PGBD5: variants seen among roughly 807,000 people sequenced by gnomAD.
PGBD5 encodes the protein piggyBac transposable element-derived protein 5.
PGBD5 carries 14 observed loss-of-function variants against 47.9 expected under a neutral mutation model. That is an observed-to-expected ratio of 0.29 (90% CI 0.19 to 0.46). The LOEUF is 0.46. Ranked by LOEUF, PGBD5 falls within the 20% of genes least tolerant of loss-of-function variation. PGBD5 has a pLI of 1.00. For missense variants in PGBD5, 635 were observed against 716.0 expected (o/e 0.89, Z 1.29); for synonymous variants, 316 against 306.3 (o/e 1.03, Z -0.33).
At position 230,376,845 on chromosome 1, in the gene PGBD5, C is replaced by T. The variant is rs183046442; in HGVS notation, c.332-19524G>A. 3.9e-5 allele frequency among the ~76,000 whole-genome samples: 6 copies of T among 152,328 alleles called. No homozygotes were observed. In the East Asian group the frequency reaches 9.6e-4, roughly 24 times the overall value. On this transcript the variant is annotated intron_variant, in intron 1 of 6. Coordinates refer to ENST00000391860, the MANE Select transcript of PGBD5 (RefSeq NM_001258311.2). The stretch of plus-strand genomic sequence containing the variant: ...TCTCCAGGCAATAAGCAGGTCCTAA[C>T]TTCATTGCTACTATTCCTACTGTAA...
In PGBD5 at chr1:230,357,123, G is replaced by A. The variant is rs1471710949; in HGVS notation, c.530C>T (p.Thr177Ile). The A allele has an allele frequency of 6.2e-7, 1 of 1,614,186 alleles. No homozygotes were observed. Residue 177 changes from threonine to isoleucine, a missense_variant, in exon 2 of 7, where the codon ACC (threonine) becomes ATC (isoleucine). Thr to Ile is a moderately conservative substitution (Grantham distance 89). Transcript: ENST00000391860. This position sits in a 1 kb window ranked among gnomAD's most constrained non-coding sequence, Gnocchi z 5.7. The stretch of plus-strand genomic sequence containing the variant: ...GACGGACTCGCAGTGGGAGATGCTG[G>A]TGGAGATCATGTAGCCCAGGAACGC... ...MKAFLGYMISTSISHCESVLS... is the reference protein window; with the variant it reads ...MKAFLGYMISISISHCESVLS...
chr1:230,411,460 T>A (rs1047103432), intron 1 of PGBD5, among the ~76,000 whole-genome samples: 1 of 152,202 alleles, frequency 6.6e-6, no homozygotes, highest in Non-Finnish European at 1.5e-5. Context: ...AATGATTTCC[T>A]AAATATAAAT....
intron 1 of PGBD5, among the ~76,000 whole-genome samples, chr1:230,382,064 G>C (rs1464341359): frequency 6.8e-6 from 1 of 148,020 alleles, no homozygotes; most frequent in Non-Finnish European, 1.5e-5. Context: ...GACTACTGTT[G>C]GACGTTAGTA....
At chr1:230,382,892 G>C (rs902268234) in intron 1 of PGBD5, among the ~76,000 whole-genome samples, 4 of 151,758 alleles carry the variant, frequency 2.6e-5, no homozygotes, top group Non-Finnish European at 5.9e-5. Context: ...GTTCAAGGAG[G>C]GATCTTTAAA....
At chr1:230,407,283 C>T (rs774148414) in intron 1 of PGBD5, among the ~76,000 whole-genome samples, 9 of 152,096 alleles carry the variant, frequency 5.9e-5, no homozygotes, top group Admixed American at 2.0e-4. Flanking sequence ...AAGACTAAAG[C>T]GACACTCAAA....
At chr1:230,351,118 T>C in intron 2 of PGBD5, 26 bp from the exon 3 acceptor site, 1 of 1,603,116 alleles carries the variant, frequency 6.2e-7, no homozygotes, top group Non-Finnish European at 8.5e-7. Context: ...AAGCAGAGGC[T>C]CTCACGGAAG....
At position 230,323,599 on chromosome 1, in the gene PGBD5, T is replaced by C. The variant is rs1667071021; in HGVS notation, c.1401A>G (p.Pro467=). ...KYSKYFISHK[P]NKTWQQVFWF... Reference sequence around the variant, plus strand: ...AGAACACCTGCTGCCAGGTCTTGTTTGGTTTATGAGAAATGAAATACCTGA... The same window carrying C: ...AGAACACCTGCTGCCAGGTCTTGTTCGGTTTATGAGAAATGAAATACCTGA... The change falls in exon 7 of 7, where the codon CCA becomes CCG. Residue 467 remains proline (P), a synonymous_variant. Coordinates refer to ENST00000391860, the MANE Select transcript of PGBD5 (RefSeq NM_001258311.2). This position sits in a 1 kb window ranked among gnomAD's most constrained non-coding sequence, Gnocchi z 4.1. 3.7e-6 allele frequency: 6 copies of C among 1,614,006 alleles called. No homozygotes were observed. Among genetic ancestry groups the C allele is most frequent in the Non-Finnish European group, 5.1e-6 (6 of 1,179,936 alleles).
chr1:230,368,020 C>T (rs1344690996), intron 1 of PGBD5: 1 of 1,367,794 alleles, frequency 7.3e-7, no homozygotes. Flanking sequence ...CGCCACACCA[C>T]ACCCCACATA....
At chr1:230,375,864 T>G (rs926253822) in intron 1 of PGBD5, among the ~76,000 whole-genome samples, 4 of 151,704 alleles carry the variant, frequency 2.6e-5, no homozygotes, top group Non-Finnish European at 5.9e-5. Context: ...CCACACCAGC[T>G]AGAGCAGCTG....
intron 1 of PGBD5, among the ~76,000 whole-genome samples, chr1:230,379,354 C>G (rs1271901897): frequency 1.3e-5 from 2 of 152,234 alleles, no homozygotes; most frequent in Non-Finnish European, 2.9e-5. Flanking sequence ...CAAGTCCCAT[C>G]TGCCCATTCC....
intron 1 of PGBD5, among the ~76,000 whole-genome samples, chr1:230,398,756 T>G (rs1657062340): frequency 6.6e-6 from 1 of 152,144 alleles, no homozygotes; most frequent in South Asian, 2.1e-4. Flanking sequence ...AGAACTGGGT[T>G]TTTAGGGGGT....
At chr1:230,395,982 TTTC>T (rs1463589340) in intron 1 of PGBD5, among the ~76,000 whole-genome samples, 5 of 120,636 alleles carry the variant, frequency 4.1e-5, no homozygotes, top group Non-Finnish European at 6.7e-5. Flanking sequence ...CAAGCTCCTC[TTTC>T]TTTTGCTTCC....
chr1:230,376,892 C>T (rs16851635), intron 1 of PGBD5, among the ~76,000 whole-genome samples: 12,359 of 152,276 alleles, frequency 0.081, 721 homozygotes, highest in African/African-American at 0.17. Context: ...TCCTCCTTTG[C>T]TCACAAGACT....
intron 5 of PGBD5, among the ~76,000 whole-genome samples, chr1:230,330,270 C>T (rs899648569): frequency 4.6e-5 from 7 of 152,144 alleles, no homozygotes; most frequent in Admixed American, 1.3e-4. Flanking sequence ...CATCTGTGCC[C>T]GCTGCGATGG....
intron 1 of PGBD5, among the ~76,000 whole-genome samples, chr1:230,390,929 A>T (rs989449457): frequency 6.6e-6 from 1 of 152,060 alleles, no homozygotes; most frequent in African/African-American, 2.4e-5. Flanking sequence ...TAGTAGAGAC[A>T]GGGTTTCATC....
chr1:230,386,528 G>T (rs1279877933), intron 1 of PGBD5, among the ~76,000 whole-genome samples: 1 of 152,162 alleles, frequency 6.6e-6, no homozygotes, highest in Non-Finnish European at 1.5e-5. Flanking sequence ...TCAGTACTGG[G>T]AGTGCCCATT....
At position 230,425,659 on chromosome 1, in the gene PGBD5, G is replaced by C; in HGVS notation, c.270C>G (p.Ala90=). Residue 90 remains alanine (A), a synonymous_variant, in exon 1 of 7, where the codon GCC becomes GCG. Coordinates refer to ENST00000391860, the MANE Select transcript of PGBD5 (RefSeq NM_001258311.2). This position sits in a 1 kb window ranked among gnomAD's most constrained non-coding sequence, Gnocchi z 4.7. The part of the protein sequence containing the change: ...PDAQEPEEDE[A]GAGWSAALRD... Reference sequence around the variant, plus strand: ...GCAGCGCTGCGCTCCAGCCCGCGCCGGCCTCGTCCTCCTCCGGCTCCTGTG... The same window carrying C: ...GCAGCGCTGCGCTCCAGCCCGCGCCCGCCTCGTCCTCCTCCGGCTCCTGTG... 2 of 1,219,758 alleles carry C rather than the reference G, an allele frequency of 1.6e-6. No individual in the cohort carries two copies. The highest frequency in any genetic ancestry group is 2.0e-6 in the Non-Finnish European group (2 of 980,274). The allele number at this position is 1,219,758 out of a possible 1,614,324, so 75.6% of individuals were successfully genotyped here.
rs986309602 is a variant in PGBD5 at position 230,392,127 on chromosome 1, C to T, written c.331+33471G>A. On this transcript the variant is annotated intron_variant, in intron 1 of 6. Coordinates refer to ENST00000391860, the MANE Select transcript of PGBD5 (RefSeq NM_001258311.2). ...CTTTGATTTTTTTCTCTTAAGAGTG[C>T]CTTGGTCATGTGTCATGGGGCTGAT... Among the ~76,000 whole-genome samples the T allele has an allele frequency of 6.6e-5, 10 of 152,304 alleles. No homozygotes were observed. In the South Asian group the frequency reaches 1.7e-3, roughly 25 times the overall value.
At position 230,356,915 on chromosome 1, in the gene PGBD5, G is replaced by A. The variant is rs1476440430; in HGVS notation, c.738C>T (p.Ala246=). 3 of 1,613,666 alleles carry A rather than the reference G, an allele frequency of 1.9e-6. No homozygotes were observed. The African/African-American group carries it at 4.0e-5, about 22-fold the overall frequency. ...LDSLQNSFDS[A]FRPSQTQVLH... ...TCACCTGGGTTTGGGAAGGCCTGAAGGCAGAGTCGAAGCTGTTCTGCAGGG... is the reference window on the plus strand; with the variant it reads ...TCACCTGGGTTTGGGAAGGCCTGAAAGCAGAGTCGAAGCTGTTCTGCAGGG... Residue 246 remains alanine (A), a synonymous_variant, in exon 2 of 7, where the codon GCC becomes GCT. Transcript: ENST00000391860.
Sources: gnomAD v4.1 joint callset for allele counts (sites outside exome capture counted in the v4.1 genomes callset) on GRCh38, gnomAD v4.1.1 for gene constraint, Gnocchi (gnomAD v3.1) non-coding constraint, MANE v1.5 for transcripts, NCBI Gene and HGNC (gene_info 2026-07-23, HGNC 2026-07-21) for gene names.